CSF2RA: variants seen among roughly 807,000 people sequenced by gnomAD.
CSF2RA encodes the protein granulocyte-macrophage colony-stimulating factor receptor subunit alpha.
CSF2RA carries 42 observed loss-of-function variants against 51.6 expected under a neutral mutation model. The observed-to-expected ratio is 0.81, with a 90% CI of 0.64 to 1.05. The LOEUF is 1.05. CSF2RA is among the 50% of genes least tolerant of loss of function. The probability of loss-of-function intolerance (pLI) is 0.00; values close to 1 mark genes in which losing one functional copy is unlikely to be tolerated. For missense variants in CSF2RA, 530 were observed against 501.1 expected, an observed-to-expected ratio of 1.06 and a Z score of -0.55; for synonymous variants, 222 against 193.0, an observed-to-expected ratio of 1.15 and a Z score of -1.24.
the CSF2RA span, among the ~76,000 whole-genome samples, chrX:1,322,986 G>A: frequency 5.3e-5 from 8 of 151,516 alleles, no homozygotes; most frequent in Non-Finnish European, 7.4e-5. Flanking sequence ...AAAATTAGCC[G>A]GGCGTGGTGG....
chrX:1,273,475 C>G (rs1293240039), intron 1 of CSF2RA, among the ~76,000 whole-genome samples: 4 of 151,768 alleles, frequency 2.6e-5, no homozygotes, highest in African/African-American at 9.7e-5. Flanking sequence ...CCATCGTGCC[C>G]AGATAATTGT....
At chrX:1,289,679 TTG>T (rs2091157302) in intron 6 of CSF2RA, among the ~76,000 whole-genome samples, 1 of 149,618 alleles carries the variant, frequency 6.7e-6, no homozygotes, top group African/African-American at 2.5e-5. Flanking sequence ...TTGTTTTGTG[TTG>T]TGTTTGTTTT....
chrX:1,287,206 T>C lies in CSF2RA; in HGVS notation c.219+1286T>C, dbSNP rs75038589. The C allele has an allele frequency of 8.3e-3, 1,204 of 145,604 alleles. 7 individuals are homozygous for C. The highest frequency in any genetic ancestry group is 0.016 in the Admixed American group (217 of 13,646). 9.0% of individuals were successfully genotyped at this position (145,604 alleles called of 1,614,324 possible). ...TTCCCTCTTGTTGCCCAGGCTGGAG[T>C]ACACTGGTGTGATCTTGGCTCACTG... On this transcript the variant is annotated intron_variant, in intron 4 of 12. Transcript: ENST00000381529.
In CSF2RA at chrX:1,287,957, G is replaced by A. The variant is rs59312328; in HGVS notation, c.220-562G>A. Among the ~76,000 whole-genome samples the A allele has an allele frequency of 2.1e-3, 313 of 147,392 alleles. 2 individuals carry two copies. The highest frequency in any genetic ancestry group is 7.2e-3 in the African/African-American group (287 of 40,044). ...TCACCATGTTGGCCAGGCTGGTCTT[G>A]AACTCCTGACCTCAAGTGATCCACC... is the stretch of plus-strand genomic sequence containing the variant. On this transcript the variant is annotated intron_variant, in intron 4 of 12. Transcript: ENST00000381529.
the CSF2RA span, among the ~76,000 whole-genome samples, chrX:1,320,123 C>G: frequency 6.6e-6 from 1 of 151,852 alleles, no homozygotes; most frequent in Non-Finnish European, 1.5e-5. Flanking sequence ...TCTCGATCTC[C>G]TGACCTCGTC....
At chrX:1,280,531 G>C (rs2089776201) in intron 2 of CSF2RA, among the ~76,000 whole-genome samples, 2 of 151,670 alleles carry the variant, frequency 1.3e-5, no homozygotes, top group African/African-American at 4.8e-5. Context: ...GTCCATAAAG[G>C]CGGGACAACT....
the CSF2RA span, among the ~76,000 whole-genome samples, chrX:1,321,574 C>CA: frequency 0.17 from 19,099 of 113,980 alleles, 1,840 homozygotes; most frequent in African/African-American, 0.31. Flanking sequence ...GACTCCATCT[C>CA]AAAAAAAAAA....
chrX:1,287,354 A>G (rs28432341), intron 4 of CSF2RA, among the ~76,000 whole-genome samples: 11 of 143,290 alleles, frequency 7.7e-5, no homozygotes, highest in African/African-American at 2.3e-4. Context: ...GGGTTTCACC[A>G]TGTTGGCCAG....
the CSF2RA span, among the ~76,000 whole-genome samples, chrX:1,323,786 G>A: frequency 2.1e-4 from 32 of 151,082 alleles, no homozygotes; most frequent in South Asian, 4.2e-4. Context: ...AGGCAGAGGC[G>A]GGCAGATCAT....
intron 11 of CSF2RA, 35 bp from the exon 12 acceptor site, chrX:1,305,411 G>C: frequency 1.2e-6 from 2 of 1,612,668 alleles, no homozygotes; most frequent in Non-Finnish European, 8.5e-7. Context: ...GTGACCCGGG[G>C]TTCATTCTCT....
Position 1,277,520 on chromosome X carries a change from C to T in CSF2RA, c.-27+2702C>T, listed in dbSNP as rs147806455. Among the ~76,000 whole-genome samples the T allele has an allele frequency of 5.1e-3, 664 of 130,964 alleles. 4 individuals are homozygous for T. Among genetic ancestry groups the T allele is most frequent in the African/African-American group, 0.018 (644 of 35,534 alleles). The allele number at this position is 130,964 out of a possible 152,430, so 85.9% of individuals were successfully genotyped here. A position where few individuals can be genotyped will look rare whatever the true frequency, so the allele number is the denominator to read the frequency against. On this transcript the variant is annotated intron_variant, in intron 2 of 12. Coordinates refer to ENST00000381529, the MANE Select transcript of CSF2RA (RefSeq NM_172245.4). ...CAGAGGCAAGAGAATGGCGTGAACC[C>T]GGGAGGCGATGCTTGCAGTGAGTGG... is the stretch of plus-strand genomic sequence containing the variant.
intron 2 of CSF2RA, among the ~76,000 whole-genome samples, chrX:1,279,899 C>A (rs1347107097): frequency 6.6e-6 from 1 of 151,898 alleles, no homozygotes; most frequent in African/African-American, 2.4e-5. Context: ...AAGCGATTCT[C>A]CTGCCTCAAC....
chrX:1,315,804 TAGATAGATAGATAGATTAGA>T, the CSF2RA span, among the ~76,000 whole-genome samples: 3 of 87,000 alleles, frequency 3.4e-5, no homozygotes, highest in Non-Finnish European at 9.6e-5. Flanking sequence ...GATAGATAGA[TAGATAGATAGATAGATTAGA>T]TAGATGAATG....
the CSF2RA span, among the ~76,000 whole-genome samples, chrX:1,318,574 G>C: frequency 2.6e-5 from 4 of 151,840 alleles, no homozygotes; most frequent in Non-Finnish European, 5.9e-5. Flanking sequence ...CCCCTCCTGA[G>C]AGAAAGGATA....
At chrX:1,288,306 A>T (rs2091001898) in intron 4 of CSF2RA, among the ~76,000 whole-genome samples, 1 of 141,000 alleles carries the variant, frequency 7.1e-6, no homozygotes, top group African/African-American at 2.5e-5. Flanking sequence ...ACATGGTGAA[A>T]CCCTGTCTCT....
chrX:1,279,390 C>T (rs1332182370), intron 2 of CSF2RA, among the ~76,000 whole-genome samples: 1 of 151,806 alleles, frequency 6.6e-6, no homozygotes, highest in Non-Finnish European at 1.5e-5. Context: ...ATAACTAGTG[C>T]AAGAGAAGTA....
intron 6 of CSF2RA, 98 bp downstream of exon 6, chrX:1,288,986 T>A: frequency 2.6e-6 from 4 of 1,534,652 alleles, no homozygotes; most frequent in Non-Finnish European, 3.6e-6. Flanking sequence ...TTTTAAGACA[T>A]GGTCTTGCTC....
rs2092300358 is a variant in CSF2RA at position 1,300,563 on chromosome X, A to C, written c.883A>C (p.Lys295Gln). Residue 295 changes from lysine (K) to glutamine (Q), a missense_variant, in exon 10 of 13, where the codon AAG (lysine) becomes CAG (glutamine). Lys to Gln is a moderately conservative substitution (Grantham distance 53). Coordinates refer to ENST00000381529, the MANE Select transcript of CSF2RA (RefSeq NM_172245.4). ...TGAGCCCAGAGCAAAACACAGTGTG[A>C]AGATCAGAGCTGCAGACGTCCGCAT... Reference protein sequence around the residue: ...SSEPRAKHSVKIRAADVRILN... With the variant: ...SSEPRAKHSVQIRAADVRILN... 6.2e-7 allele frequency: 1 copy of C among 1,613,816 alleles called. No individual in the cohort carries two copies. The highest frequency in any genetic ancestry group is 8.5e-7 in the Non-Finnish European group (1 of 1,179,862).
the CSF2RA span, among the ~76,000 whole-genome samples, chrX:1,316,259 A>G: frequency 0.024 from 2,927 of 121,066 alleles, 64 homozygotes; most frequent in East Asian, 0.22. Context: ...GATTAGATAG[A>G]TGATAGATAG....
Sources: allele counts gnomAD v4.1 joint callset (sites outside exome capture counted in the v4.1 genomes callset), GRCh38; gene constraint gnomAD v4.1.1; transcripts MANE v1.5; gene names NCBI Gene and HGNC (gene_info 2026-07-23, HGNC 2026-07-21).